The following ZNF208 variants were observed in gnomAD, a reference collection of about 807,000 sequenced individuals.
ZNF208 encodes the protein zinc finger protein 95.
ZNF208 carries 10 observed loss-of-function variants against 12.1 expected under a neutral mutation model. The observed-to-expected ratio is 0.83, with a 90% CI of 0.51 to 1.40. The LOEUF (loss-of-function observed/expected upper bound fraction) is 1.40, where lower values mean the gene tolerates loss of function less well. ZNF208 is among the 40% of genes most tolerant of loss of function. ZNF208 has a pLI of 0.00. For missense variants in ZNF208, 1,652 were observed against 1,485.0 expected, an observed-to-expected ratio of 1.11 and a Z score of -1.85; for synonymous variants, 497 against 488.4, an observed-to-expected ratio of 1.02 and a Z score of -0.23.
downstream of ZNF208, among the ~76,000 whole-genome samples, chr19:21,964,993 T>C (rs908944865): frequency 5.9e-5 from 9 of 152,006 alleles, no homozygotes; most frequent in African/African-American, 2.2e-4. Flanking sequence ...CTATAAATTT[T>C]ATTTAAATCT....
chr19:21,952,887 T>G (rs1321627718), intron 4 of ZNF208, among the ~76,000 whole-genome samples: 4 of 152,070 alleles, frequency 2.6e-5, no homozygotes, highest in Non-Finnish European at 5.9e-5. Flanking sequence ...AAGGAGCATG[T>G]TCAAAACAAA....
At chr19:21,941,458 A>C (rs1301132104) in intron 4 of ZNF208, 2 of 398,814 alleles carry the variant, frequency 5.0e-6, no homozygotes, top group African/African-American at 4.1e-5. Context: ...GTCACCACAC[A>C]GTGAGTTACA....
downstream of ZNF208, among the ~76,000 whole-genome samples, chr19:21,964,933 T>C (rs191625550): frequency 1.3e-5 from 2 of 152,098 alleles, no homozygotes; most frequent in Non-Finnish European, 2.9e-5. Context: ...TTTCTTTTGC[T>C]TTTTCACTTT....
rs1217010538 is a variant in ZNF208, at chr19:21,970,364, C to A, written c.*827G>T. ...TTCCACACAATTGTAGGAATTCCCTCCAGTATGAATTACATGAATGTTTAG... is the reference window on the plus strand; with the variant it reads ...TTCCACACAATTGTAGGAATTCCCTACAGTATGAATTACATGAATGTTTAG... On this transcript the variant is annotated 3_prime_UTR_variant, in exon 4 of 4. Coordinates refer to ENST00000397126, the MANE Select transcript of ZNF208 (RefSeq NM_007153.3). Among the ~76,000 whole-genome samples, 2 of 152,114 alleles carry A rather than the reference C, an allele frequency of 1.3e-5. No individual in the cohort carries two copies. The highest frequency in any genetic ancestry group is 4.8e-5 in the African/African-American group (2 of 41,412).
chr19:21,973,644 TAC>T lies in ZNF208; in HGVS notation c.1388_1389del (p.Ser463AsnfsTer7), dbSNP rs1274646296. ...YKCEECGKGF[S>X]MFSILTKHKV... ...TTATGTTTAGTAAGGATTGAGAACA[TAC>T]TAAAGCCTTTGCCACATTCTTCACA... On this transcript the variant is annotated frameshift_variant, in exon 4 of 4. Transcript: ENST00000397126. LOFTEE classifies it low-confidence loss of function (END_TRUNC). 6.3e-7 allele frequency: 1 copy of T among 1,575,464 alleles called. No individual in the cohort carries two copies. The highest frequency in any genetic ancestry group is 8.7e-7 in the Non-Finnish European group (1 of 1,147,786).
chr19:21,945,259 C>A (rs577912051), intron 4 of ZNF208, among the ~76,000 whole-genome samples: 71 of 152,326 alleles, frequency 4.7e-4, no homozygotes, highest in Non-Finnish European at 9.6e-4. Context: ...AGCAACACAC[C>A]CTGAATCCCT....
intron 4 of ZNF208, among the ~76,000 whole-genome samples, chr19:21,961,045 C>T (rs1360208692): frequency 6.6e-6 from 1 of 152,222 alleles, no homozygotes; most frequent in Non-Finnish European, 1.5e-5. Context: ...CAGTTGAAAT[C>T]TGTTCACCAC....
At chr19:21,986,335 AAATT>A (rs1970627927) in intron 3 of ZNF208, among the ~76,000 whole-genome samples, 1 of 152,216 alleles carries the variant, frequency 6.6e-6, no homozygotes, top group South Asian at 2.1e-4. Context: ...GCAAAATATA[AAATT>A]AACATACAAG....
At position 21,971,341 on chromosome 19, in the gene ZNF208, G is replaced by T; in HGVS notation, c.3693C>A (p.Gly1231=). 8 of 1,606,982 alleles carry T rather than the reference G, an allele frequency of 5.0e-6. No homozygotes were observed. Among genetic ancestry groups the T allele is most frequent in the Non-Finnish European group, 6.8e-6 (8 of 1,178,866 alleles). Residue 1231 remains glycine, a synonymous_variant, in exon 4 of 4, where the codon GGC becomes GGA. Coordinates refer to ENST00000397126, the MANE Select transcript of ZNF208 (RefSeq NM_007153.3). ...GEKPYKCEEC[G]KAFSTFSILT... is the part of the protein sequence containing the mutation. ...GGATTGAGAACGTACTAAAGGCTTT[G>T]CCACATTCTTCACATTTGTAGGGTT... is the stretch of plus-strand genomic sequence containing the variant.
At position 21,954,123 on chromosome 19, in the gene ZNF208, G is replaced by A. The variant is rs546886218; in HGVS notation, c.305+20606C>T. The stretch of plus-strand genomic sequence containing the variant: ...TAGTCATTCAGGAGCAGCTTGTTCA[G>A]TTTCCATGTAGTTAGCAGTTTTGAG... On this transcript the variant is annotated intron_variant, in intron 4 of 4. Coordinates refer to the ZNF208 transcript ENST00000599916. 3.6e-4 allele frequency among the ~76,000 whole-genome samples: 55 copies of A among 152,304 alleles called. 1 individual carries two copies. Among genetic ancestry groups the A allele is most frequent in the South Asian group, 2.5e-3 (12 of 4,824 alleles).
At chr19:21,960,119 A>G (rs1048892884) in intron 4 of ZNF208, among the ~76,000 whole-genome samples, 1 of 152,150 alleles carries the variant, frequency 6.6e-6, no homozygotes, top group African/African-American at 2.4e-5. Context: ...GAGAAATGAC[A>G]CAAAGATTCA....
rs141070634 is a variant in ZNF208 at position 21,955,764 on chromosome 19, T to C, written c.305+18965A>G. On this transcript the variant is annotated intron_variant, in intron 4 of 4. Coordinates refer to the ZNF208 transcript ENST00000599916. ...TTCAAGGTTTTCAGCTTCATTGAGA[T>C]GGGTTCGAACATCCTCCTTTAGCTC... 7.7e-3 allele frequency among the ~76,000 whole-genome samples: 1,173 copies of C among 152,330 alleles called. 9 individuals are homozygous for C. Among genetic ancestry groups the C allele is most frequent in the African/African-American group, 0.026 (1,100 of 41,576 alleles).
At position 21,987,142 on chromosome 19, in the gene ZNF208, A is replaced by T. The variant is rs566728875; in HGVS notation, c.226+74T>A. On this transcript the variant is annotated intron_variant, in intron 3 of 3. Coordinates refer to ENST00000397126, the MANE Select transcript of ZNF208 (RefSeq NM_007153.3). Reference sequence around the variant, plus strand: ...ACTTCTTTTGGAACACAGCTTCCAGAATCACTTTAAGGACTGGCTTCCTCC... The same window carrying T: ...ACTTCTTTTGGAACACAGCTTCCAGTATCACTTTAAGGACTGGCTTCCTCC... 5,998 of 1,436,628 alleles carry T rather than the reference A, an allele frequency of 4.2e-3. 211 individuals are homozygous for T. In the African/African-American group the frequency reaches 0.078, roughly 19 times the overall value. 89.0% of individuals were successfully genotyped at this position (1,436,628 alleles called of 1,614,324 possible). A position where few individuals can be genotyped will look rare whatever the true frequency, so the allele number is the denominator to read the frequency against.
chr19:21,971,436 C>A lies in ZNF208; in HGVS notation c.3598G>T (p.Glu1200Ter), dbSNP rs534261282. The change falls in exon 4 of 4, where the codon GAA becomes TAA. Residue 1200 changes from glutamate to a stop codon, truncating the protein, a stop_gained. Coordinates refer to ENST00000397126, the MANE Select transcript of ZNF208 (RefSeq NM_007153.3). LOFTEE classifies it low-confidence loss of function (END_TRUNC). The part of the protein sequence containing the change: ...IHTGEKLYKC[E>*]ECGKAYKWPS... ...CACTTATAGGCTTTGCCACATTCTTCACATTTGTAGAGTTTCTCTCCAGTA... is the reference window on the plus strand; with the variant it reads ...CACTTATAGGCTTTGCCACATTCTTAACATTTGTAGAGTTTCTCTCCAGTA... 1.9e-6 allele frequency: 3 copies of A among 1,609,964 alleles called. No homozygotes were observed. In the Admixed American group the frequency reaches 5.0e-5, roughly 27 times the overall value.
At chr19:21,977,967 A>C (rs1970464166) in intron 3 of ZNF208, among the ~76,000 whole-genome samples, 1 of 152,166 alleles carries the variant, frequency 6.6e-6, no homozygotes, top group Non-Finnish European at 1.5e-5. Context: ...AGCCACCCGG[A>C]AGATTGAACT....
At chr19:22,004,357 A>T (rs1900545952) in intron 1 of ZNF208, among the ~76,000 whole-genome samples, 1 of 151,976 alleles carries the variant, frequency 6.6e-6, no homozygotes, top group Admixed American at 6.6e-5. Context: ...CTATACTAAA[A>T]ATACAAAAAT....
chr19:21,996,280 A>T (rs1364127288), intron 1 of ZNF208, among the ~76,000 whole-genome samples: 1 of 152,200 alleles, frequency 6.6e-6, no homozygotes, highest in East Asian at 1.9e-4. Flanking sequence ...AAAAAAGAGG[A>T]ACAGTGAGTG....
rs1970238598 is a variant in ZNF208, at chr19:21,969,505, G to A, written c.*1686C>T. ...TGATATTTACATAAACTTAATTTTG[G>A]ATTAAATATTTTTTATATTTACTGT... On this transcript the variant is annotated 3_prime_UTR_variant, in exon 4 of 4. Transcript: ENST00000397126. Among the ~76,000 whole-genome samples the A allele has an allele frequency of 2.0e-5, 3 of 151,910 alleles. No homozygotes were observed. The South Asian group carries it at 6.2e-4, about 32-fold the overall frequency.
chr19:21,954,317 T>C (rs974177813), intron 4 of ZNF208, among the ~76,000 whole-genome samples: 1 of 152,184 alleles, frequency 6.6e-6, no homozygotes, highest in Admixed American at 6.5e-5. Context: ...TCTCTTGATT[T>C]GGGGTAGAGA....
Sources: allele counts gnomAD v4.1 joint callset (sites outside exome capture counted in the v4.1 genomes callset), GRCh38; gene constraint gnomAD v4.1.1; transcripts MANE v1.5; gene names NCBI Gene and HGNC (gene_info 2026-07-23, HGNC 2026-07-21).